The following FRRS1L variants were observed in gnomAD, a reference collection of about 807,000 sequenced individuals.
FRRS1L encodes ferric chelate reductase 1 like.
FRRS1L carries 22 observed loss-of-function variants against 28.6 expected under a neutral mutation model. The ratio of observed to expected loss-of-function variants is 0.77; its 90% CI spans 0.55 to 1.10. The LOEUF (loss-of-function observed/expected upper bound fraction) is 1.10. Among genes scored for constraint, FRRS1L ranks in the 50% least tolerant of loss-of-function variants. The pLI, the probability that FRRS1L is intolerant of heterozygous loss-of-function variation, is 0.00. For missense variants in FRRS1L, 380 were observed against 386.9 expected (o/e 0.98, Z 0.15); for synonymous variants, 158 against 151.4 (o/e 1.04, Z -0.32).
At chr9:109,142,304 G>A (rs1831198719) in intron 3 of FRRS1L, among the ~76,000 whole-genome samples, 1 of 152,096 alleles carries the variant, frequency 6.6e-6, no homozygotes, top group African/African-American at 2.4e-5. Flanking sequence ...AGTAGCAGTA[G>A]CAGTAGCAGT....
intron 3 of FRRS1L, among the ~76,000 whole-genome samples, chr9:109,143,655 C>T (rs1831218073): frequency 6.6e-6 from 1 of 151,702 alleles, no homozygotes; most frequent in African/African-American, 2.4e-5. Flanking sequence ...GCTGGGACTA[C>T]AGGCACCCGC....
At position 109,131,541 on chromosome 9, in the gene FRRS1L, C is replaced by T. The variant is rs1831056585; in HGVS notation, c.*5914G>A. On this transcript the variant is annotated 3_prime_UTR_variant, in exon 5 of 5. Coordinates refer to ENST00000561981, the MANE Select transcript of FRRS1L (RefSeq NM_014334.4). ...ACCATCATGTATGTACAAATATACA[C>T]ATGCTCCTCAAGTTACAAGAGGGTT... is the stretch of plus-strand genomic sequence containing the variant. 6.6e-6 allele frequency: 1 copy of T among 152,196 alleles called. No individual in the cohort carries two copies. Among genetic ancestry groups the T allele is most frequent in the Non-Finnish European group, 1.5e-5 (1 of 68,038 alleles). 9.4% of individuals were successfully genotyped at this position (152,196 alleles called of 1,614,324 possible). A position where few individuals can be genotyped will look rare whatever the true frequency, so the allele number is the denominator to read the frequency against.
chr9:109,142,123 C>T (rs777524069), intron 3 of FRRS1L, among the ~76,000 whole-genome samples: 2 of 151,886 alleles, frequency 1.3e-5, no homozygotes, highest in Non-Finnish European at 2.9e-5. Flanking sequence ...TTAATAATAC[C>T]ATCATATCAA....
At chr9:109,145,349 C>A (rs972286788) in intron 3 of FRRS1L, among the ~76,000 whole-genome samples, 3 of 152,190 alleles carry the variant, frequency 2.0e-5, no homozygotes, top group Non-Finnish European at 4.4e-5. Context: ...ACTGTTGAAA[C>A]AAATTCGTAA....
At chr9:109,156,993 G>C (rs1195523538) in intron 1 of FRRS1L, among the ~76,000 whole-genome samples, 1 of 152,072 alleles carries the variant, frequency 6.6e-6, no homozygotes, top group Non-Finnish European at 1.5e-5. Flanking sequence ...CTTATTTTCT[G>C]ATAAATGTAT....
chr9:109,137,456 T>A lies in FRRS1L; in HGVS notation c.881A>T (p.Ter294LeuextTer17). ...LTFYLLMGTP[*>L] The stretch of plus-strand genomic sequence containing the variant: ...AATCTGTTGGCCCTGCAGCTGTGGT[T>A]AGGGGGTTCCCATCAATAGGTAGAA... Residue 294 changes from the stop codon to leucine, a stop_lost, in exon 5 of 5, where the codon TAA (stop) becomes TTA (leucine). Transcript: ENST00000561981. 6.3e-7 allele frequency: 1 copy of A among 1,588,474 alleles called. No homozygotes were observed. Among genetic ancestry groups the A allele is most frequent in the Non-Finnish European group, 8.6e-7 (1 of 1,164,258 alleles).
At chr9:109,149,095 G>C (rs1000241107) in intron 2 of FRRS1L, among the ~76,000 whole-genome samples, 1 of 152,176 alleles carries the variant, frequency 6.6e-6, no homozygotes, top group Non-Finnish European at 1.5e-5. Context: ...CTGTCTAGAT[G>C]GGAGGCCCAT....
intron 3 of FRRS1L, 49 bp downstream of exon 3, chr9:109,147,002 C>G (rs560468927): frequency 3.2e-6 from 5 of 1,566,330 alleles, no homozygotes; most frequent in Non-Finnish European, 3.5e-6. Context: ...CAAAATAGCA[C>G]AGCCAACTAA....
chr9:109,139,813 T>C (rs190753903), intron 4 of FRRS1L: 4 of 152,292 alleles, frequency 2.6e-5, no homozygotes, highest in African/African-American at 9.6e-5. Flanking sequence ...AAAAGGTAGA[T>C]TATGTCATCT....
chr9:109,158,986 C>T (rs996354057), intron 1 of FRRS1L, among the ~76,000 whole-genome samples: 4 of 152,130 alleles, frequency 2.6e-5, no homozygotes, highest in Admixed American at 1.3e-4. Context: ...TTGTTATTTT[C>T]CTTTTAAAAA....
intron 1 of FRRS1L, among the ~76,000 whole-genome samples, chr9:109,152,500 T>C (rs1367524980): frequency 6.6e-6 from 1 of 151,640 alleles, no homozygotes; most frequent in Non-Finnish European, 1.5e-5. Context: ...GGTACGATTG[T>C]CTCTTTAAGA....
chr9:109,153,317 T>C (rs1831359803), intron 1 of FRRS1L, among the ~76,000 whole-genome samples: 1 of 152,186 alleles, frequency 6.6e-6, no homozygotes, highest in South Asian at 2.1e-4. Flanking sequence ...AGTTTAACCA[T>C]GTGGCCAAAT....
chr9:109,162,961 T>G (rs776774707), intron 1 of FRRS1L, among the ~76,000 whole-genome samples: 1 of 152,202 alleles, frequency 6.6e-6, no homozygotes, highest in Non-Finnish European at 1.5e-5. Flanking sequence ...ATAAATGATG[T>G]TCTGTCTTTT....
chr9:109,155,703 C>CAAAAAA (rs539557102), intron 1 of FRRS1L, among the ~76,000 whole-genome samples: 21 of 81,006 alleles, frequency 2.6e-4, no homozygotes, highest in African/African-American at 6.9e-4. Flanking sequence ...GACTCCATCT[C>CAAAAAA]AAAAAAAAAA....
intron 1 of FRRS1L, among the ~76,000 whole-genome samples, chr9:109,158,763 A>G (rs1831442474): frequency 6.6e-6 from 1 of 152,186 alleles, no homozygotes; most frequent in South Asian, 2.1e-4. Flanking sequence ...GGTTGTTTCC[A>G]CTTTTTGGCT....
chr9:109,159,627 C>T (rs1831456404), intron 1 of FRRS1L, among the ~76,000 whole-genome samples: 1 of 152,164 alleles, frequency 6.6e-6, no homozygotes, highest in East Asian at 1.9e-4. Context: ...CATTGCATTC[C>T]AGCCTGGGTG....
rs918767194 is a variant in FRRS1L at position 109,135,404 on chromosome 9, T to G, written c.*2051A>C. 2 of 152,246 alleles carry G rather than the reference T, an allele frequency of 1.3e-5. No individual in the cohort carries two copies. The highest frequency in any genetic ancestry group is 2.9e-5 in the Non-Finnish European group (2 of 68,048). The allele number at this position is 152,246 out of a possible 1,614,324, so 9.4% of individuals were successfully genotyped here. A position where few individuals can be genotyped will look rare whatever the true frequency, so the allele number is the denominator to read the frequency against. ...GGGGCGCCTAATGTCAAGGCATTAC[T>G]ATGAATTATGCTGACTACCTGTCTA... is the stretch of plus-strand genomic sequence containing the variant. On this transcript the variant is annotated 3_prime_UTR_variant, in exon 5 of 5. Coordinates refer to ENST00000561981, the MANE Select transcript of FRRS1L (RefSeq NM_014334.4).
At position 109,137,490 on chromosome 9, in the gene FRRS1L, C is replaced by T; in HGVS notation, c.847G>A (p.Ala283Thr). The T allele has an allele frequency of 6.2e-7, 1 of 1,612,168 alleles. No homozygotes were observed. The highest frequency in any genetic ancestry group is 1.1e-5 in the South Asian group (1 of 90,798). ...SSPFCLLLIV[A>T]LTFYLLMGTP ...CCCATCAATAGGTAGAAGGTCAGAG[C>T]AACAATCAGAAGCAAACAAAATGGA... Residue 283 changes from alanine (A) to threonine (T), a missense_variant, in exon 5 of 5, where the codon GCT becomes ACT. Transcript: ENST00000561981.
rs146556077 is a variant in FRRS1L at position 109,146,058 on chromosome 9, G to A, written c.462+993C>T. On this transcript the variant is annotated intron_variant, in intron 3 of 4. Coordinates refer to ENST00000561981, the MANE Select transcript of FRRS1L (RefSeq NM_014334.4). ...TAAAAATACAAAAAATTAGCAGGGC[G>A]TGGTGGCAGGTGCCCGTAATCCCAG... Among the ~76,000 whole-genome samples the A allele has an allele frequency of 4.7e-3, 715 of 152,108 alleles. 5 individuals are homozygous for A. Among genetic ancestry groups the A allele is most frequent in the African/African-American group, 0.017 (689 of 41,492 alleles).
Sources: allele counts gnomAD v4.1 joint callset (sites outside exome capture counted in the v4.1 genomes callset), GRCh38; gene constraint gnomAD v4.1.1; transcripts MANE v1.5; gene names NCBI Gene and HGNC (gene_info 2026-07-23, HGNC 2026-07-21).